The following CPSF7 variants were observed in gnomAD, a reference collection of about 807,000 sequenced individuals.
CPSF7 encodes cleavage and polyadenylation specificity factor subunit 7.
A neutral mutation model predicts 44.3 loss-of-function variants in CPSF7; 1 was observed. The ratio of observed to expected loss-of-function variants is 0.02; its 90% CI spans 0.01 to 0.11. CPSF7 has a LOEUF of 0.11. Among genes scored for constraint, CPSF7 ranks in the 10% least tolerant of loss-of-function variants. CPSF7 has a pLI of 1.00. For missense variants in CPSF7, 443 were observed against 607.2 expected (o/e 0.73, Z 2.84); for synonymous variants, 202 against 222.0 (o/e 0.91, Z 0.80).
Position 61,425,092 on chromosome 11 carries a change from A to T in CPSF7, c.55-3484T>A, listed in dbSNP as rs543877320. Reference sequence around the variant, plus strand: ...GGCTACCACTTTTAGAAACAAAAGGATTGAATGAATACAAAATTATCACAA... The same window carrying T: ...GGCTACCACTTTTAGAAACAAAAGGTTTGAATGAATACAAAATTATCACAA... On this transcript the variant is annotated intron_variant, in intron 2 of 9. Coordinates refer to ENST00000439958, the MANE Select transcript of CPSF7 (RefSeq NM_001142565.3). Among the ~76,000 whole-genome samples, 10 of 152,350 alleles carry T rather than the reference A, an allele frequency of 6.6e-5. No homozygotes were observed. In the South Asian group the frequency reaches 2.1e-3, roughly 32 times the overall value.
intron 2 of CPSF7, among the ~76,000 whole-genome samples, chr11:61,422,544 T>C (rs1042607767): frequency 2.6e-5 from 4 of 152,054 alleles, no homozygotes; most frequent in African/African-American, 9.7e-5. Flanking sequence ...CTGGAACTCC[T>C]GGACTCAAGT....
intron 7 of CPSF7, among the ~76,000 whole-genome samples, chr11:61,414,311 C>A (rs979438246): frequency 9.9e-5 from 15 of 152,054 alleles, no homozygotes; most frequent in Admixed American, 2.0e-4. Context: ...CATGTGCCAC[C>A]ATGCCTGGCT....
chr11:61,423,461 G>A (rs929959238), intron 2 of CPSF7, among the ~76,000 whole-genome samples: 14 of 151,972 alleles, frequency 9.2e-5, no homozygotes, highest in African/African-American at 3.4e-4. Flanking sequence ...GTGAGCCACC[G>A]TGCCTAGCCT....
intron 7 of CPSF7, among the ~76,000 whole-genome samples, chr11:61,413,958 T>C (rs1228925048): frequency 6.6e-6 from 1 of 152,110 alleles, no homozygotes; most frequent in Non-Finnish European, 1.5e-5. Flanking sequence ...TTTTGTAGTA[T>C]CTTCAATAAG....
chr11:61,405,133 A>G (rs1252136902), intron 9 of CPSF7, among the ~76,000 whole-genome samples: 4 of 152,138 alleles, frequency 2.6e-5, no homozygotes, highest in Admixed American at 1.3e-4. Flanking sequence ...GGGGAGGGGG[A>G]AAAATCTGGA....
intron 5 of CPSF7, among the ~76,000 whole-genome samples, chr11:61,419,328 T>A (rs1860641072): frequency 6.6e-6 from 1 of 152,172 alleles, no homozygotes; most frequent in Non-Finnish European, 1.5e-5. Context: ...GGCCTGTAAC[T>A]TTCTTTACTA....
At chr11:61,411,178 C>CAGAA (rs747763891) in intron 8 of CPSF7, 73 bp from the exon 9 acceptor site, 1 of 1,458,588 alleles carries the variant, frequency 6.9e-7, no homozygotes, top group Non-Finnish European at 9.2e-7. Flanking sequence ...GTTTTGGTGT[C>CAGAA]TTCTGATATT....
intron 2 of CPSF7, 189 bp downstream of exon 2, chr11:61,428,993 C>G: frequency 4.6e-6 from 2 of 437,056 alleles, no homozygotes; most frequent in South Asian, 9.6e-5. Context: ...TAAAATTAAG[C>G]CTGGAGCTTC....
chr11:61,421,301 C>T lies in CPSF7; in HGVS notation c.273+89G>A, dbSNP rs1321867976. 2.6e-6 allele frequency: 3 copies of T among 1,158,932 alleles called. No homozygotes were observed. In the South Asian group the frequency reaches 3.9e-5, roughly 15 times the overall value. The allele number at this position is 1,158,932 out of a possible 1,614,324, so 71.8% of individuals were successfully genotyped here. A position where few individuals can be genotyped will look rare whatever the true frequency, so the allele number is the denominator to read the frequency against. On this transcript the variant is annotated intron_variant, in intron 3 of 9. Coordinates refer to ENST00000439958, the MANE Select transcript of CPSF7 (RefSeq NM_001142565.3). ...AATCCAACCCCATCAGAGCACAAAA[C>T]AGTGCAACAGTAGTTTCTGAAAATG...
intron 2 of CPSF7, among the ~76,000 whole-genome samples, chr11:61,423,233 C>T (rs1300243010): frequency 1.5e-5 from 2 of 132,884 alleles, no homozygotes; most frequent in East Asian, 2.5e-4. Flanking sequence ...AGTGCAGTGG[C>T]GCCATCTCAG....
chr11:61,426,400 G>A (rs1427057924), intron 2 of CPSF7: 1 of 152,038 alleles, frequency 6.6e-6, no homozygotes, highest in Non-Finnish European at 1.5e-5. Context: ...ATAACTAATT[G>A]ATATGTGTGT....
In CPSF7 at chr11:61,419,975, G is replaced by A. The variant is rs1236082655; in HGVS notation, c.497C>T (p.Ser166Leu). 3 of 1,613,972 alleles carry A rather than the reference G, an allele frequency of 1.9e-6. No homozygotes were observed. The highest frequency in any genetic ancestry group is 2.5e-6 in the Non-Finnish European group (3 of 1,180,038). Residue 166 changes from serine to leucine, a missense_variant, in exon 5 of 10, where the codon TCA becomes TTA. Physicochemically the swap from Ser to Leu is moderately radical, Grantham distance 145 (BLOSUM62 -2). Coordinates refer to ENST00000439958, the MANE Select transcript of CPSF7 (RefSeq NM_001142565.3). ...DVRPATRQNL[S>L]QFEAQARKRI... Reference sequence around the variant, plus strand: ...TTTCCGAGCCTGTGCCTCAAACTGTGACAGGTTCTGCCGGGTGGCCGGCCT... The same window carrying A: ...TTTCCGAGCCTGTGCCTCAAACTGTAACAGGTTCTGCCGGGTGGCCGGCCT...
chr11:61,429,699 C>A (rs750608360), intron 1 of CPSF7: 24 of 1,523,804 alleles, frequency 1.6e-5, no homozygotes, highest in Non-Finnish European at 1.9e-5. Context: ...GCCTCTGCCC[C>A]CAACCCAGGC....
At chr11:61,417,782 C>T (rs1029860103) in intron 5 of CPSF7, among the ~76,000 whole-genome samples, 1 of 152,226 alleles carries the variant, frequency 6.6e-6, no homozygotes, top group Non-Finnish European at 1.5e-5. Flanking sequence ...ACTGTTGTCA[C>T]ATCTGCAAAG....
rs566231378 is a variant in CPSF7 at position 61,421,407 on chromosome 11, C to A, written c.256G>T (p.Val86Leu). ...ACACTCACCCAGGAGAAGCTGCCCA[C>A]ATAAACGGCAGCTCGTCTATTACGC... ...GLRNRRAAVYVGSFSWWTTDQ... is the reference protein window; with the variant it reads ...GLRNRRAAVYLGSFSWWTTDQ... Residue 86 changes from valine (V) to leucine (L), a missense_variant, in exon 3 of 10, where the codon GTG becomes TTG. Val to Leu is a conservative substitution (Grantham distance 32). Transcript: ENST00000439958. 1.2e-6 allele frequency: 2 copies of A among 1,614,034 alleles called. No homozygotes were observed. The highest frequency in any genetic ancestry group is 1.7e-6 in the Non-Finnish European group (2 of 1,179,900).
At chr11:61,414,759 T>G (rs1268618609) in intron 7 of CPSF7, among the ~76,000 whole-genome samples, 1 of 152,136 alleles carries the variant, frequency 6.6e-6, no homozygotes, top group Non-Finnish European at 1.5e-5. Context: ...AAACTAAAGA[T>G]CTTATGCTCA....
rs1859135864 is a variant in CPSF7 at position 61,404,560 on chromosome 11, G to A, written c.*150C>T. ...ACTGCCAAGCAGTCTTCAATCCTGT[G>A]GGGCAGAGGGTATTCCCTGGGTGTC... On this transcript the variant is annotated 3_prime_UTR_variant, in exon 10 of 10. Transcript: ENST00000439958. 1.3e-5 allele frequency: 2 copies of A among 152,382 alleles called. No individual in the cohort carries two copies. The highest frequency in any genetic ancestry group is 1.3e-4 in the Admixed American group (2 of 15,268). The allele number at this position is 152,382 out of a possible 1,614,324, so 9.4% of individuals were successfully genotyped here.
intron 7 of CPSF7, among the ~76,000 whole-genome samples, chr11:61,414,533 T>C (rs868289955): frequency 1.3e-5 from 2 of 152,186 alleles, no homozygotes; most frequent in Non-Finnish European, 2.9e-5. Flanking sequence ...TCTTTAACCT[T>C]CTCTGTGGAT....
chr11:61,427,200 G>C (rs1316666668), intron 2 of CPSF7: 1 of 150,834 alleles, frequency 6.6e-6, no homozygotes, highest in Non-Finnish European at 1.5e-5. Context: ...GGAGTTGAGA[G>C]ACCAGCCTAG....
Sources: gnomAD v4.1 joint callset for allele counts (sites outside exome capture counted in the v4.1 genomes callset) on GRCh38, gnomAD v4.1.1 for gene constraint, MANE v1.5 for transcripts, NCBI Gene and HGNC (gene_info 2026-07-23, HGNC 2026-07-21) for gene names.